Variants in NDFIP2 observed in about 807,000 individuals in gnomAD.
NDFIP2 encodes the protein NEDD4 family-interacting protein 2.
Under a neutral mutation model 36.0 loss-of-function variants are expected in NDFIP2, and 19 were observed. The observed-to-expected ratio is 0.53, with a 90% confidence interval of 0.37 to 0.77. The LOEUF is 0.77. Among genes scored for constraint, NDFIP2 ranks in the 30% least tolerant of loss-of-function variants. The probability of loss-of-function intolerance (pLI) is 0.00; values close to 1 mark genes in which losing one functional copy is unlikely to be tolerated. For missense variants in NDFIP2, 446 were observed against 435.8 expected (o/e 1.02, Z -0.21); for synonymous variants, 181 against 167.7 (o/e 1.08, Z -0.61).
intron 2 of NDFIP2, among the ~76,000 whole-genome samples, chr13:79,529,233 CT>C (rs1874916375): frequency 1.3e-5 from 2 of 152,110 alleles, no homozygotes; most frequent in Admixed American, 1.3e-4. Flanking sequence ...TTGAGAACCA[CT>C]CTTTTAAAAG....
intron 1 of NDFIP2, among the ~76,000 whole-genome samples, chr13:79,491,256 C>T (rs1307539133): frequency 6.6e-6 from 1 of 152,168 alleles, no homozygotes; most frequent in South Asian, 2.1e-4. Context: ...GGTGCTAGTT[C>T]AAGGCCAATT....
intron 2 of NDFIP2, among the ~76,000 whole-genome samples, chr13:79,522,896 A>G (rs961380307): frequency 1.3e-5 from 2 of 151,952 alleles, no homozygotes; most frequent in Non-Finnish European, 2.9e-5. Context: ...GTCCTTATTC[A>G]AGAGGAGAGG....
intron 2 of NDFIP2, among the ~76,000 whole-genome samples, chr13:79,522,531 C>CT (rs1874626967): frequency 6.6e-6 from 1 of 152,156 alleles, no homozygotes; most frequent in Admixed American, 6.5e-5. Context: ...ACTGTTAATT[C>CT]TTACTGTTCT....
At chr13:79,494,373 A>G (rs543956136) in intron 1 of NDFIP2, among the ~76,000 whole-genome samples, 7 of 152,246 alleles carry the variant, frequency 4.6e-5, no homozygotes, top group Non-Finnish European at 1.0e-4. Flanking sequence ...ATACTAACTC[A>G]TCACTGAGTT....
chr13:79,503,669 A>G (rs1277616238), intron 1 of NDFIP2, among the ~76,000 whole-genome samples: 1 of 152,152 alleles, frequency 6.6e-6, no homozygotes, highest in Non-Finnish European at 1.5e-5. Flanking sequence ...AACTGTAGAT[A>G]TCCATCATTA....
At position 79,519,452 on chromosome 13, in the gene NDFIP2, C is replaced by T. The variant is rs564122769; in HGVS notation, c.322-1358C>T. 4.6e-5 allele frequency among the ~76,000 whole-genome samples: 7 copies of T among 152,086 alleles called. No homozygotes were observed. The South Asian group carries it at 1.0e-3, about 23-fold the overall frequency. On this transcript the variant is annotated intron_variant, in intron 1 of 7. Transcript: ENST00000218652. ...TGTCTGCATGTAGTTATTACCAATT[C>T]GTGAGGAATGGCCATTTCAAAGTTT...
intron 1 of NDFIP2, among the ~76,000 whole-genome samples, chr13:79,488,400 A>G (rs1035611606): frequency 6.6e-6 from 1 of 152,180 alleles, no homozygotes; most frequent in Non-Finnish European, 1.5e-5. Context: ...AAAAAAAATT[A>G]TACAAATGAG....
intron 3 of NDFIP2, among the ~76,000 whole-genome samples, chr13:79,534,738 A>T (rs1161525560): frequency 6.6e-6 from 1 of 152,170 alleles, no homozygotes; most frequent in Non-Finnish European, 1.5e-5. Context: ...TGAGGAGTCA[A>T]GGGAGAGAGA....
intron 1 of NDFIP2, among the ~76,000 whole-genome samples, chr13:79,518,474 A>C (rs1307654968): frequency 6.6e-6 from 1 of 152,228 alleles, no homozygotes; most frequent in Non-Finnish European, 1.5e-5. Context: ...GGAAAAAGCA[A>C]TGTGTAGTAA....
chr13:79,548,379 A>T lies in NDFIP2; in HGVS notation c.892A>T (p.Ile298Leu). 2 of 1,590,032 alleles carry T rather than the reference A, an allele frequency of 1.3e-6. No homozygotes were observed. The highest frequency in any genetic ancestry group is 1.7e-6 in the Non-Finnish European group (2 of 1,164,810). ...YFNGQYWLWW[I>L]FLVLGLLLFF... ...CAATGGACAGTATTGGCTTTGGTGG[A>T]TATTTCTTGTACTTGGTAAGTTTAT... Residue 298 changes from isoleucine to leucine, a missense_variant, in exon 6 of 8, where the codon ATA (isoleucine) becomes TTA (leucine). Transcript: ENST00000218652.
intron 1 of NDFIP2, among the ~76,000 whole-genome samples, chr13:79,512,594 G>T (rs1168436754): frequency 6.6e-6 from 1 of 152,220 alleles, no homozygotes; most frequent in African/African-American, 2.4e-5. Flanking sequence ...GCTTGGCAGG[G>T]TCTGATTGGA....
chr13:79,514,647 T>C, intron 1 of NDFIP2, among the ~76,000 whole-genome samples: 1 of 152,138 alleles, frequency 6.6e-6, no homozygotes, highest in East Asian at 1.9e-4. Context: ...AGGAGGAAAA[T>C]AGTTGAACAT....
At chr13:79,505,795 A>G (rs1873841407) in intron 1 of NDFIP2, among the ~76,000 whole-genome samples, 1 of 148,520 alleles carries the variant, frequency 6.7e-6, no homozygotes, top group African/African-American at 2.5e-5. Flanking sequence ...TGGGAAAGAG[A>G]AAAAAAAAAG....
chr13:79,489,876 A>C (rs1190212504), intron 1 of NDFIP2, among the ~76,000 whole-genome samples: 2 of 152,242 alleles, frequency 1.3e-5, no homozygotes, highest in South Asian at 4.1e-4. Context: ...TAATTGTTTC[A>C]TGAAAGCAGT....
chr13:79,493,237 A>C (rs879583104), intron 1 of NDFIP2, among the ~76,000 whole-genome samples: 2 of 152,230 alleles, frequency 1.3e-5, no homozygotes, highest in Non-Finnish European at 2.9e-5. Context: ...AAGTGTGTGC[A>C]TGGCGATACT....
chr13:79,541,649 A>G (rs143017318), intron 4 of NDFIP2, among the ~76,000 whole-genome samples: 1 of 152,062 alleles, frequency 6.6e-6, no homozygotes, highest in Admixed American at 6.5e-5. Flanking sequence ...CTGTTTTTCA[A>G]ATTGCAACTT....
chr13:79,547,443 G>GT (rs758918085), intron 5 of NDFIP2, among the ~76,000 whole-genome samples: 1 of 152,118 alleles, frequency 6.6e-6, no homozygotes, highest in Non-Finnish European at 1.5e-5. Context: ...ATTTTTAACA[G>GT]TTTTAGAGTA....
chr13:79,522,996 G>A (rs541454719), intron 2 of NDFIP2, among the ~76,000 whole-genome samples: 3 of 152,138 alleles, frequency 2.0e-5, no homozygotes, highest in Admixed American at 2.0e-4. Flanking sequence ...ACCCTTCCCC[G>A]TAGCACCAAA....
At position 79,554,658 on chromosome 13, in the gene NDFIP2, T is replaced by A. The variant is rs2137124535; in HGVS notation, c.*2145T>A. ...GAATCAGAATGTTATTTTCAAGAAC[T>A]TAATGTTCCCTTCAGATATATAAAA... On this transcript the variant is annotated 3_prime_UTR_variant, in exon 8 of 8. Coordinates refer to ENST00000218652, the MANE Select transcript of NDFIP2 (RefSeq NM_019080.3). The A allele has an allele frequency of 1.3e-5, 2 of 152,002 alleles. No homozygotes were observed. The highest frequency in any genetic ancestry group is 4.1e-4 in the South Asian group (2 of 4,826). The allele number at this position is 152,002 out of a possible 1,614,324, so 9.4% of individuals were successfully genotyped here.
Sources: gnomAD v4.1 joint callset for allele counts (sites outside exome capture counted in the v4.1 genomes callset) on GRCh38, gnomAD v4.1.1 for gene constraint, MANE v1.5 for transcripts, NCBI Gene and HGNC (gene_info 2026-07-23, HGNC 2026-07-21) for gene names.